VWA8: variants seen among roughly 807,000 people sequenced by gnomAD.
VWA8 encodes von Willebrand factor A domain-containing protein 8.
Under a neutral mutation model 241.5 loss-of-function variants are expected in VWA8, and 221 were observed. That is an observed-to-expected ratio of 0.91 (90% CI 0.82 to 1.02). The LOEUF (loss-of-function observed/expected upper bound fraction) is 1.02, where lower values mean the gene tolerates loss of function less well. Ranked by LOEUF, VWA8 falls within the 50% of genes least tolerant of loss-of-function variation. The pLI, the probability that VWA8 is intolerant of heterozygous loss-of-function variation, is 0.00. For synonymous variants in VWA8, 852 were observed against 827.1 expected (o/e 1.03, Z -0.52); for missense variants, 2,322 against 2,328.7 (o/e 1.00, Z 0.06).
At chr13:41,678,307 G>A (rs2045074545) in intron 35 of VWA8, among the ~76,000 whole-genome samples, 1 of 152,204 alleles carries the variant, frequency 6.6e-6, no homozygotes, top group South Asian at 2.1e-4. Flanking sequence ...AGCTGGATTA[G>A]CTGTCTTCAA....
intron 29 of VWA8, 21 bp downstream of exon 29, chr13:41,699,050 T>C: frequency 6.2e-7 from 1 of 1,613,754 alleles, no homozygotes; most frequent in Non-Finnish European, 8.5e-7. Context: ...CCTCACATAA[T>C]TGTAGCCTGG....
At chr13:41,736,289 G>C (rs2137871251) in intron 21 of VWA8, among the ~76,000 whole-genome samples, 1 of 152,242 alleles carries the variant, frequency 6.6e-6, no homozygotes, top group East Asian at 1.9e-4. Context: ...TAAAGGCGCT[G>C]CTCAAAGAAA....
At chr13:41,927,778 T>A (rs1876918928) in intron 2 of VWA8, among the ~76,000 whole-genome samples, 1 of 152,086 alleles carries the variant, frequency 6.6e-6, no homozygotes, top group Non-Finnish European at 1.5e-5. Context: ...TTATCTTGAA[T>A]GTAAATAAAT....
chr13:41,605,104 G>T (rs1479714143), intron 40 of VWA8, 64 bp downstream of exon 40: 2 of 1,510,652 alleles, frequency 1.3e-6, no homozygotes. Context: ...TTTTCTCCAA[G>T]ACTTTAGGAA....
chr13:41,939,533 G>T (rs1172943906), intron 2 of VWA8, among the ~76,000 whole-genome samples: 1 of 152,140 alleles, frequency 6.6e-6, no homozygotes, highest in Non-Finnish European at 1.5e-5. Flanking sequence ...TGTGCCAGAT[G>T]CTAGATGCTG....
At chr13:41,902,395 T>C (rs1875498584) in intron 4 of VWA8, among the ~76,000 whole-genome samples, 1 of 152,220 alleles carries the variant, frequency 6.6e-6, no homozygotes, top group African/African-American at 2.4e-5. Flanking sequence ...ATGCTGCTCG[T>C]CTTGAAGAAG....
chr13:41,733,425 A>T (rs562177409), intron 21 of VWA8, among the ~76,000 whole-genome samples: 2 of 152,222 alleles, frequency 1.3e-5, no homozygotes, highest in African/African-American at 4.8e-5. Flanking sequence ...ATTGTGGGTA[A>T]GTAATAAAAC....
At chr13:41,635,406 A>T (rs2044750421) in intron 37 of VWA8, among the ~76,000 whole-genome samples, 1 of 152,216 alleles carries the variant, frequency 6.6e-6, no homozygotes, top group East Asian at 1.9e-4. Flanking sequence ...AAGTGTTTGC[A>T]TCTGAGCTAT....
chr13:41,679,430 G>A (rs1010294977), intron 35 of VWA8, among the ~76,000 whole-genome samples: 9 of 152,192 alleles, frequency 5.9e-5, no homozygotes, highest in African/African-American at 2.2e-4. Context: ...GATAAAAAGA[G>A]TGATGTGTGC....
chr13:41,645,820 T>A (rs1007320079), intron 37 of VWA8, among the ~76,000 whole-genome samples: 2 of 152,216 alleles, frequency 1.3e-5, no homozygotes, highest in African/African-American at 4.8e-5. Context: ...TCTTTTTTTT[T>A]AAATCACATA....
intron 14 of VWA8, among the ~76,000 whole-genome samples, chr13:41,828,507 T>C (rs1369052629): frequency 1.3e-5 from 2 of 152,160 alleles, no homozygotes; most frequent in Middle Eastern, 3.2e-3. Flanking sequence ...CTTCAAACTT[T>C]TTGTTTTGAA....
chr13:41,671,209 T>C lies in VWA8; in HGVS notation c.4410-62A>G, dbSNP rs1038403732. On this transcript the variant is annotated intron_variant, in intron 36 of 44. Transcript: ENST00000379310. ...AAAAATAAAGCAGGAGGGATGACAC[T>C]GCACATTGTAATGTTCTTTACTGTT... 2.1e-5 allele frequency: 32 copies of C among 1,544,480 alleles called. 1 individual carries two copies. Among genetic ancestry groups the C allele is most frequent in the Middle Eastern group, 1.7e-4 (1 of 5,914 alleles).
intron 20 of VWA8, among the ~76,000 whole-genome samples, chr13:41,774,993 A>G (rs1261824210): frequency 6.6e-6 from 1 of 152,238 alleles, no homozygotes; most frequent in Non-Finnish European, 1.5e-5. Flanking sequence ...GGTAAGAGAA[A>G]GAAGAGAGCA....
chr13:41,836,748 T>A (rs1166389258), intron 12 of VWA8, among the ~76,000 whole-genome samples: 1 of 152,190 alleles, frequency 6.6e-6, no homozygotes, highest in African/African-American at 2.4e-5. Flanking sequence ...TCTTTTACAA[T>A]CTAGTAGTTG....
Position 41,692,948 on chromosome 13 carries a change from T to C in VWA8, c.3589A>G (p.Thr1197Ala), listed in dbSNP as rs574765979. 18 of 1,610,262 alleles carry C rather than the reference T, an allele frequency of 1.1e-5. No homozygotes were observed. In the African/African-American group the frequency reaches 2.4e-4, roughly 22 times the overall value. The change falls in exon 30 of 45, where the codon ACT (threonine) becomes GCT (alanine). Residue 1197 changes from threonine (T) to alanine (A), a missense_variant. Physicochemically the swap from Thr to Ala is moderately conservative, Grantham distance 58 (BLOSUM62 0). Transcript: ENST00000379310. ...QQSNVILLLD[T>A]TGRALHRLIL... Reference sequence around the variant, plus strand: ...AGACGATGAAGGGCCCGGCCAGTAGTATCTAACAACAGGATAACATTACTC... The same window carrying C: ...AGACGATGAAGGGCCCGGCCAGTAGCATCTAACAACAGGATAACATTACTC...
intron 9 of VWA8, among the ~76,000 whole-genome samples, chr13:41,873,432 G>A (rs1366161985): frequency 6.6e-6 from 1 of 151,964 alleles, no homozygotes; most frequent in African/African-American, 2.4e-5. Context: ...TTGACAGACC[G>A]CTAGCAAGAC....
intron 20 of VWA8, among the ~76,000 whole-genome samples, chr13:41,766,627 T>C (rs2045780599): frequency 6.6e-6 from 1 of 152,248 alleles, no homozygotes; most frequent in Non-Finnish European, 1.5e-5. Context: ...TGCCCATCTG[T>C]CTGTCATCTT....
At chr13:41,642,649 C>T (rs1241918172) in intron 37 of VWA8, among the ~76,000 whole-genome samples, 1 of 151,510 alleles carries the variant, frequency 6.6e-6, no homozygotes, top group Admixed American at 6.6e-5. Context: ...AAACTTTTGA[C>T]CAGGCGTGGT....
At position 41,918,231 on chromosome 13, in the gene VWA8, A is replaced by G. The variant is rs377332609; in HGVS notation, c.242-6063T>C. ...AAACATCAGCTTACGTAGCTTATAT[A>G]AAGCCAATCATTTATAAAGTGGGCT... On this transcript the variant is annotated intron_variant, in intron 2 of 44. Coordinates refer to ENST00000379310, the MANE Select transcript of VWA8 (RefSeq NM_015058.2). Among the ~76,000 whole-genome samples, 622 of 152,362 alleles carry G rather than the reference A, an allele frequency of 4.1e-3. 3 individuals are homozygous for G. Among genetic ancestry groups the G allele is most frequent in the South Asian group, 0.021 (103 of 4,828 alleles).
Sources: allele counts gnomAD v4.1 joint callset (sites outside exome capture counted in the v4.1 genomes callset), GRCh38; gene constraint gnomAD v4.1.1; transcripts MANE v1.5; gene names NCBI Gene and HGNC (gene_info 2026-07-23, HGNC 2026-07-21).